ELAC2: variants seen among roughly 807,000 people sequenced by gnomAD.
The protein encoded by ELAC2 is elaC ribonuclease Z 2.
Under a neutral mutation model 105.2 loss-of-function variants are expected in ELAC2, and 92 were observed. The observed-to-expected ratio is 0.87, with a 90% CI of 0.74 to 1.04. The LOEUF (loss-of-function observed/expected upper bound fraction) is 1.04. ELAC2 is among the 50% of genes least tolerant of loss of function. The probability of loss-of-function intolerance (pLI) is 0.00; values close to 1 mark genes in which losing one functional copy is unlikely to be tolerated. For synonymous variants in ELAC2, 468 were observed against 409.1 expected (o/e 1.14, Z -1.74); for missense variants, 1,099 against 1,071.7 (o/e 1.03, Z -0.36).
chr17:13,003,743 G>A lies in ELAC2; in HGVS notation c.984-169C>T, dbSNP rs551172397. On this transcript the variant is annotated intron_variant, in intron 11 of 23. Transcript: ENST00000338034. ...CAGCAGGCTGCTCACGGCAGACCCC[G>A]GTGCTGGGCCATTTCCAATGGACGT... The A allele has an allele frequency of 8.5e-4, 539 of 637,488 alleles. 5 individuals carry two copies. The highest frequency in any genetic ancestry group is 1.2e-3 in the South Asian group (69 of 56,520). 39.5% of individuals were successfully genotyped at this position (637,488 alleles called of 1,614,324 possible).
intron 22 of ELAC2, among the ~76,000 whole-genome samples, chr17:12,994,135 C>T (rs2143550135): frequency 6.6e-6 from 1 of 152,276 alleles, no homozygotes; most frequent in East Asian, 1.9e-4. Context: ...AAATTCAGTC[C>T]CCCAGCCCCC....
chr17:12,998,371 G>A lies in ELAC2; in HGVS notation c.1520+41C>T, dbSNP rs56405144. On this transcript the variant is annotated intron_variant, in intron 16 of 23. Transcript: ENST00000338034. ...CAGGACTTTTGTTTAAAAAGTAAAC[G>A]TGCCCTTGATGGAAGGATGCTTCCT... The A allele has an allele frequency of 0.11, 175,944 of 1,578,228 alleles. 11,066 individuals carry two copies. Among genetic ancestry groups the A allele is most frequent in the Middle Eastern group, 0.2 (1,195 of 6,000 alleles).
chr17:12,993,645 C>T lies in ELAC2; in HGVS notation c.2253+42G>A, dbSNP rs9909051. 3.4e-3 allele frequency: 5,554 copies of T among 1,613,584 alleles called. 97 individuals carry two copies. In the African/African-American group the frequency reaches 0.039, roughly 11 times the overall value. ...ACTCAGTGTGTAGAGTCCTGTCTCCCTGCCCCGTCCCCGCCCTGTGCTGTC... is the reference window on the plus strand; with the variant it reads ...ACTCAGTGTGTAGAGTCCTGTCTCCTTGCCCCGTCCCCGCCCTGTGCTGTC... On this transcript the variant is annotated intron_variant, in intron 23 of 23. Coordinates refer to ENST00000338034, the MANE Select transcript of ELAC2 (RefSeq NM_018127.7).
chr17:13,000,123 G>A (rs766134149), intron 15 of ELAC2, 33 bp downstream of exon 15: 136 of 1,592,534 alleles, frequency 8.5e-5, no homozygotes, highest in Non-Finnish European at 1.1e-4. Context: ...CAGAGCCCAG[G>A]AAAGAAAGGC....
At chr17:13,016,766 A>AC in intron 3 of ELAC2, 96 bp downstream of exon 3, 1 of 1,202,486 alleles carries the variant, frequency 8.3e-7, no homozygotes. Flanking sequence ...AAAAAAAAAA[A>AC]AGTAGCTGCC....
rs1052849063 is a variant in ELAC2 at position 12,996,474 on chromosome 17, G to A, written c.1659+73C>T. On this transcript the variant is annotated intron_variant, in intron 17 of 23. Coordinates refer to ENST00000338034, the MANE Select transcript of ELAC2 (RefSeq NM_018127.7). Reference sequence around the variant, plus strand: ...CAAGTTTGGAAGCGGAGGAAAAGACGCAGCCAAAGGGCCAACTCAACGTGG... The same window carrying A: ...CAAGTTTGGAAGCGGAGGAAAAGACACAGCCAAAGGGCCAACTCAACGTGG... 22 of 1,606,476 alleles carry A rather than the reference G, an allele frequency of 1.4e-5. No homozygotes were observed. The African/African-American group carries it at 2.3e-4, about 17-fold the overall frequency.
chr17:13,006,858 A>T (rs896123324), intron 8 of ELAC2, among the ~76,000 whole-genome samples: 6 of 152,204 alleles, frequency 3.9e-5, no homozygotes, highest in Non-Finnish European at 5.9e-5. Context: ...ACAGCGGCTC[A>T]TGCCTGTAAT....
chr17:13,000,109 G>C (rs910841714), intron 15 of ELAC2, 47 bp downstream of exon 15: 1 of 1,563,624 alleles, frequency 6.4e-7, no homozygotes, highest in Admixed American at 1.7e-5. Flanking sequence ...AACAGCAGCA[G>C]GGGCAGAGCC....
intron 14 of ELAC2, among the ~76,000 whole-genome samples, chr17:13,001,159 T>C (rs2040783017): frequency 6.6e-6 from 1 of 152,074 alleles, no homozygotes; most frequent in Non-Finnish European, 1.5e-5. Flanking sequence ...ATACAAATAC[T>C]GTGGAGTGGG....
intron 7 of ELAC2, among the ~76,000 whole-genome samples, chr17:13,010,940 A>T (rs1311848626): frequency 6.6e-6 from 1 of 152,212 alleles, no homozygotes; most frequent in Non-Finnish European, 1.5e-5. Flanking sequence ...GACACATTTC[A>T]CCTAGGACTG....
At chr17:12,994,580 TG>T in intron 21 of ELAC2, 77 bp from the exon 22 acceptor site, 1 of 1,599,380 alleles carries the variant, frequency 6.3e-7, no homozygotes, top group East Asian at 2.2e-5. Context: ...TGCTGTTTCC[TG>T]GTCTCAACAC....
intron 8 of ELAC2, among the ~76,000 whole-genome samples, chr17:13,007,926 C>G (rs901490507): frequency 6.6e-6 from 1 of 151,206 alleles, no homozygotes; most frequent in Non-Finnish European, 1.5e-5. Flanking sequence ...GAAGGCTGGG[C>G]ATGGTGGTTC....
At position 12,996,562 on chromosome 17, in the gene ELAC2, G is replaced by T; in HGVS notation, c.1644C>A (p.His548Gln). Residue 548 changes from histidine to glutamine, a missense_variant, in exon 17 of 24, where the codon CAC (histidine) becomes CAA (glutamine). Transcript: ENST00000338034. ...CAACACTCACCGTGTGGTGATCTGC[G>T]TGCAGGTGGGACACAAACACAGCAG... The part of the protein sequence containing the change: ...TLAAVFVSHL[H>Q]ADHHTGLPSI... 2 of 1,613,962 alleles carry T rather than the reference G, an allele frequency of 1.2e-6. No individual in the cohort carries two copies. Among genetic ancestry groups the T allele is most frequent in the Non-Finnish European group, 1.7e-6 (2 of 1,180,038 alleles).
In ELAC2 at chr17:13,006,369, C is replaced by CA. The variant is rs1019868391; in HGVS notation, c.739-391dup. 9.8e-3 allele frequency: 1,731 copies of CA among 176,758 alleles called. 1 individual carries two copies. The highest frequency in any genetic ancestry group is 0.031 in the South Asian group (316 of 10,078). The allele number at this position is 176,758 out of a possible 1,614,324, so 10.9% of individuals were successfully genotyped here. On this transcript the variant is annotated intron_variant, in intron 8 of 23. Transcript: ENST00000338034. ...AGGCAACAAAAGCGAAAGTCTGTCT[C>CA]AAAAAAAAAAATAAAAAATAAAATG... is the stretch of plus-strand genomic sequence containing the variant.
At position 13,006,968 on chromosome 17, in the gene ELAC2, A is replaced by G. The variant is rs144104906; in HGVS notation, c.739-989T>C. 2.7e-4 allele frequency among the ~76,000 whole-genome samples: 41 copies of G among 152,164 alleles called. 1 individual carries two copies. The South Asian group carries it at 6.9e-3, about 25-fold the overall frequency. On this transcript the variant is annotated intron_variant, in intron 8 of 23. Transcript: ENST00000338034. ...ATCCCTGTCACTACTAAAAATACAA[A>G]AAATTAGCCGGGTGTGGTGACGTGC...
In ELAC2 at chr17:13,017,803, A is replaced by G. The variant is rs1555584447; in HGVS notation, c.145T>C (p.Ser49Pro). The change falls in exon 1 of 24, where the codon TCG becomes CCG. Residue 49 changes from serine to proline, a missense_variant. By Grantham distance (74) the Ser-to-Pro change is moderately conservative. Coordinates refer to ENST00000338034, the MANE Select transcript of ELAC2 (RefSeq NM_018127.7). ...GTGTTTGGGCCGCCGGAGCACCCCG[A>G]CGGTCCGCGCTTCTCTCGCGTGCGC... ...HLRTREKRGP[S>P]GCSGGPNTVY... The G allele has an allele frequency of 6.2e-7, 1 of 1,604,850 alleles. No individual in the cohort carries two copies. Among genetic ancestry groups the G allele is most frequent in the Non-Finnish European group, 8.5e-7 (1 of 1,176,696 alleles).
intron 7 of ELAC2, 93 bp downstream of exon 7, chr17:13,011,570 T>C: frequency 6.2e-7 from 1 of 1,602,138 alleles, no homozygotes; most frequent in Admixed American, 1.7e-5. Flanking sequence ...CACACCTGGC[T>C]TTCTTACAAT....
At chr17:13,001,100 C>A (rs931447820) in intron 14 of ELAC2, among the ~76,000 whole-genome samples, 1 of 152,216 alleles carries the variant, frequency 6.6e-6, no homozygotes, top group Non-Finnish European at 1.5e-5. Flanking sequence ...ACTACCCAAC[C>A]TCAACAGCAC....
chr17:13,017,940 G>T lies in ELAC2; in HGVS notation c.8C>A (p.Ala3Glu). 1 of 1,536,992 alleles carries T rather than the reference G, an allele frequency of 6.5e-7. No homozygotes were observed. The highest frequency in any genetic ancestry group is 8.7e-7 in the Non-Finnish European group (1 of 1,146,768). Residue 3 changes from alanine (A) to glutamate (E), a missense_variant, in exon 1 of 24, where the codon GCG (alanine) becomes GAG (glutamate). Coordinates refer to ENST00000338034, the MANE Select transcript of ELAC2 (RefSeq NM_018127.7). ...CGCGGACCGCAGCAGCGAGCAAAGC[G>T]CCCACATGCGCCCGTCTCCACCAAA... MW[A>E]LCSLLRSAAG...
Sources: gnomAD v4.1 joint callset for allele counts (sites outside exome capture counted in the v4.1 genomes callset) on GRCh38, gnomAD v4.1.1 for gene constraint, MANE v1.5 for transcripts, NCBI Gene and HGNC (gene_info 2026-07-23, HGNC 2026-07-21) for gene names.